The following PPP2R1B variants were observed in gnomAD, a reference collection of about 807,000 sequenced individuals.
The protein encoded by PPP2R1B is protein phosphatase 2 scaffold subunit Abeta, also known as serine/threonine-protein phosphatase 2A 65 kDa regulatory subunit A beta isoform.
Under a neutral mutation model 72.7 loss-of-function variants are expected in PPP2R1B, and 58 were observed. That is an observed-to-expected ratio of 0.80 (90% CI 0.65 to 0.99). The LOEUF (loss-of-function observed/expected upper bound fraction) is 0.99. PPP2R1B is among the 50% of genes least tolerant of loss of function. PPP2R1B has a pLI of 0.00. For missense variants in PPP2R1B, 695 were observed against 733.6 expected (o/e 0.95, Z 0.61); for synonymous variants, 256 against 264.6 (o/e 0.97, Z 0.32).
In PPP2R1B at chr11:111,738,864, T is replaced by C. The variant is rs2136032499; in HGVS notation, c.*2732A>G. On this transcript the variant is annotated 3_prime_UTR_variant, in exon 15 of 15. Transcript: ENST00000527614. ...TTCCACTGTTGCTGAGACATTTTTA[T>C]TGGCATAGGTTATATGTTTGTGTGT... The C allele has an allele frequency of 1.0e-6, 1 of 984,070 alleles. No homozygotes were observed. Among genetic ancestry groups the C allele is most frequent in the Non-Finnish European group, 1.2e-6 (1 of 829,818 alleles). The allele number at this position is 984,070 out of a possible 1,614,324, so 61.0% of individuals were successfully genotyped here.
At chr11:111,760,707 G>A in intron 4 of PPP2R1B, 112 bp downstream of exon 4, 3 of 902,396 alleles carry the variant, frequency 3.3e-6, no homozygotes, top group Middle Eastern at 4.3e-4. Context: ...GCCACTCATT[G>A]GTAACAAGGT....
chr11:111,752,281 C>A lies in PPP2R1B; in HGVS notation c.1216G>T (p.Val406Leu), dbSNP rs782417303. The change falls in exon 10 of 15, where the codon GTG (valine) becomes TTG (leucine). Residue 406 changes from valine to leucine, a missense_variant. Physicochemically the swap from Val to Leu is conservative, Grantham distance 32 (BLOSUM62 1). Transcript: ENST00000527614. ...IISNLDCVNE[V>L]IGIRQLSQSL... ...TGAGAGAGCTGACGGATTCCAATCA[C>A]TTCATTTACACAATCCAAATTGGAG... 3.7e-6 allele frequency: 6 copies of A among 1,613,980 alleles called. No individual in the cohort carries two copies.
At chr11:111,737,838 T>C, downstream of PPP2R1B, 1 of 1,271,600 alleles carries the variant, frequency 7.9e-7, no homozygotes, top group Non-Finnish European at 1.0e-6. Context: ...TGGTCACTGA[T>C]GGTCTCCAGA....
chr11:111,701,083 A>G, the PPP2R1B span: 1 of 1,551,066 alleles, frequency 6.4e-7, no homozygotes, highest in South Asian at 1.2e-5. This position sits in a 1 kb window ranked among gnomAD's most constrained non-coding sequence, Gnocchi z 4.2. Context: ...CCATCTTAGA[A>G]GCTCCTGGTA....
At chr11:111,709,852 C>T in the PPP2R1B span, among the ~76,000 whole-genome samples, 2 of 152,186 alleles carry the variant, frequency 1.3e-5, no homozygotes, top group Non-Finnish European at 2.9e-5. Flanking sequence ...TAGTCCAGGT[C>T]GGATGTGAAC....
Position 111,741,367 on chromosome 11 carries a change from T to C in PPP2R1B, c.*229A>G. The C allele has an allele frequency of 7.3e-7, 1 of 1,360,860 alleles. No homozygotes were observed. Among genetic ancestry groups the C allele is most frequent in the Non-Finnish European group, 9.4e-7 (1 of 1,059,312 alleles). The allele number at this position is 1,360,860 out of a possible 1,614,324, so 84.3% of individuals were successfully genotyped here. On this transcript the variant is annotated 3_prime_UTR_variant, in exon 15 of 15. Coordinates refer to ENST00000527614, the MANE Select transcript of PPP2R1B (RefSeq NM_002716.5). ...TAGGAGACAATCAAGTGTCAGGAAT[T>C]GGTCAATAAGAACGGCTTAAATAAT...
intron 10 of PPP2R1B, among the ~76,000 whole-genome samples, chr11:111,750,698 A>G (rs1212357084): frequency 6.6e-6 from 1 of 152,248 alleles, no homozygotes; most frequent in Admixed American, 6.5e-5. Flanking sequence ...GGATGTGGCT[A>G]TAAAACCCAG....
chr11:111,761,370 T>TA, intron 3 of PPP2R1B: 1 of 420,510 alleles, frequency 2.4e-6, no homozygotes, highest in Non-Finnish European at 4.6e-6. Context: ...AAAAGATACA[T>TA]AGCCAAATTC....
In PPP2R1B at chr11:111,753,458, A is replaced by G. The variant is rs570995641; in HGVS notation, c.1149T>C (p.Ala383=). 1 of 1,613,032 alleles carries G rather than the reference A, an allele frequency of 6.2e-7. No homozygotes were observed. The highest frequency in any genetic ancestry group is 8.5e-7 in the Non-Finnish European group (1 of 1,179,800). Residue 383 remains alanine (A), a synonymous_variant, in exon 9 of 15, where the codon GCT becomes GCC. Transcript: ENST00000527614. ...CAAGACCCACCTCATCCTTTAACTGAGCTAAGAAAAGAGGTAGAAGATGTT... is the reference window on the plus strand; with the variant it reads ...CAAGACCCACCTCATCCTTTAACTGGGCTAAGAAAAGAGGTAGAAGATGTT... ...TIEHLLPLFL[A]QLKDECPDVR...
the PPP2R1B span, chr11:111,712,490 G>C: frequency 9.0e-7 from 1 of 1,109,676 alleles, no homozygotes; most frequent in Non-Finnish European, 1.3e-6. Context: ...AGTCACTCAG[G>C]AGTGATGCTT....
the PPP2R1B span, chr11:111,701,017 C>T: frequency 6.2e-7 from 1 of 1,612,894 alleles, no homozygotes; most frequent in Non-Finnish European, 8.5e-7. The surrounding 1 kb of genome is among the most constrained non-coding windows in gnomAD (Gnocchi z 4.2). Context: ...CTGGGTACTG[C>T]TTTGCTTTGC....
the PPP2R1B span, among the ~76,000 whole-genome samples, chr11:111,690,015 G>A: frequency 1.3e-5 from 2 of 151,368 alleles, no homozygotes; most frequent in South Asian, 4.2e-4. Context: ...ACATATACAC[G>A]TATATATAAA....
chr11:111,737,436 C>A (rs1054950852), downstream of PPP2R1B: 1 of 1,614,118 alleles, frequency 6.2e-7, no homozygotes, highest in Non-Finnish European at 8.5e-7. Flanking sequence ...CCCCAGGCTT[C>A]CGGGCACTTA....
chr11:111,759,473 C>T (rs1555050582), intron 5 of PPP2R1B, among the ~76,000 whole-genome samples: 1 of 152,130 alleles, frequency 6.6e-6, no homozygotes, highest in East Asian at 1.9e-4. Flanking sequence ...TTCCAGGAAA[C>T]ATTACTCCCT....
chr11:111,754,171 C>CT (rs1161563826), intron 8 of PPP2R1B, among the ~76,000 whole-genome samples: 1 of 152,178 alleles, frequency 6.6e-6, no homozygotes, highest in African/African-American at 2.4e-5. Flanking sequence ...CCCACCTCAG[C>CT]GTCCCAAAGT....
the PPP2R1B span, among the ~76,000 whole-genome samples, chr11:111,717,977 C>T: frequency 6.6e-6 from 1 of 152,052 alleles, no homozygotes. Flanking sequence ...GGCTTAATAC[C>T]TAGGTGATAG....
At chr11:111,764,149 C>T (rs1386453107) in intron 3 of PPP2R1B, among the ~76,000 whole-genome samples, 6 of 151,882 alleles carry the variant, frequency 4.0e-5, no homozygotes, top group Non-Finnish European at 8.8e-5. Context: ...TTTCCATTTA[C>T]GACTGCACGG....
intron 13 of PPP2R1B, 37 bp downstream of exon 13, chr11:111,742,486 T>G: frequency 1.9e-6 from 3 of 1,588,956 alleles, no homozygotes; most frequent in East Asian, 2.3e-5. Flanking sequence ...AAATTTAAAG[T>G]ACACTTTTAA....
Position 111,753,514 on chromosome 11 carries a change from A to G in PPP2R1B, c.1093T>C (p.Ser365Pro), listed in dbSNP as rs1442893893. ...GTATTTTCTTTGCCCAAAATAGTAG[A>G]CAATCCCATAATTACAGAAGCTAGA... ...SALASVIMGL[S>P]TILGKENTIE... The change falls in exon 9 of 15, where the codon TCT becomes CCT. Residue 365 changes from serine to proline, a missense_variant. By Grantham distance (74) the Ser-to-Pro change is moderately conservative. Transcript: ENST00000527614. 3 of 1,612,996 alleles carry G rather than the reference A, an allele frequency of 1.9e-6. No homozygotes were observed. In the East Asian group the frequency reaches 6.7e-5, roughly 36 times the overall value.
Sources: gnomAD v4.1 joint callset for allele counts (sites outside exome capture counted in the v4.1 genomes callset) on GRCh38, gnomAD v4.1.1 for gene constraint, Gnocchi (gnomAD v3.1) non-coding constraint, MANE v1.5 for transcripts, NCBI Gene and HGNC (gene_info 2026-07-23, HGNC 2026-07-21) for gene names.